The following IKBKB variants were observed in gnomAD, a reference collection of about 807,000 sequenced individuals.
IKBKB encodes the protein inhibitor of nuclear factor kappa B kinase subunit beta, also known as inhibitor of nuclear factor kappa-B kinase subunit beta.
Under a neutral mutation model 113.6 loss-of-function variants are expected in IKBKB, and 42 were observed. The observed-to-expected ratio is 0.37, with a 90% CI of 0.29 to 0.48. The LOEUF (loss-of-function observed/expected upper bound fraction) is 0.48, where lower values mean the gene tolerates loss of function less well. Ranked by LOEUF, IKBKB falls within the 20% of genes least tolerant of loss-of-function variation. The probability of loss-of-function intolerance (pLI) is 0.99; values close to 1 mark genes in which losing one functional copy is unlikely to be tolerated. For synonymous variants in IKBKB, 296 were observed against 361.3 expected (o/e 0.82, Z 2.05); for missense variants, 673 against 939.7 (o/e 0.72, Z 3.71).
intron 2 of IKBKB, among the ~76,000 whole-genome samples, chr8:42,277,180 ATTTTTT>A (rs751878075): frequency 1.2e-5 from 1 of 84,910 alleles, no homozygotes; most frequent in South Asian, 3.6e-4. Flanking sequence ...CGTGTGGCTA[ATTTTTT>A]TTTTTTTTTT....
chr8:42,299,260 G>A (rs1219242246), intron 5 of IKBKB, among the ~76,000 whole-genome samples: 3 of 152,068 alleles, frequency 2.0e-5, no homozygotes, highest in South Asian at 2.1e-4. Flanking sequence ...CTTGCATTAC[G>A]GAGGCTGCAG....
Position 42,330,914 on chromosome 8 carries a change from G to T in IKBKB, c.2206G>T (p.Ala736Ser). The T allele has an allele frequency of 6.2e-7, 1 of 1,614,208 alleles. No individual in the cohort carries two copies. The highest frequency in any genetic ancestry group is 8.5e-7 in the Non-Finnish European group (1 of 1,180,040). Residue 736 changes from alanine (A) to serine (S), a missense_variant and splice_region_variant, in exon 22 of 22, where the codon GCC becomes TCC. Ala to Ser is a moderately conservative substitution (Grantham distance 99, BLOSUM62 1). Coordinates refer to ENST00000520810, the MANE Select transcript of IKBKB (RefSeq NM_001556.3). Reference sequence around the variant, plus strand: ...TTTTAACATGTCTGTTGACTTTCAGGCCCTAGACTGGAGCTGGTTACAGAC... The same window carrying T: ...TTTTAACATGTCTGTTGACTTTCAGTCCCTAGACTGGAGCTGGTTACAGAC... ...TVREQDQSFT[A>S]LDWSWLQTEE...
intron 2 of IKBKB, among the ~76,000 whole-genome samples, chr8:42,285,349 C>T (rs1382549083): frequency 6.6e-6 from 1 of 151,678 alleles, no homozygotes; most frequent in East Asian, 1.9e-4. Flanking sequence ...AGTTTGAGAC[C>T]AGCCTGGGCA....
intron 20 of IKBKB, among the ~76,000 whole-genome samples, chr8:42,327,116 T>C (rs1035039657): frequency 6.6e-5 from 10 of 152,200 alleles, no homozygotes; most frequent in Non-Finnish European, 2.9e-5. Context: ...GTATATAAAT[T>C]ATATCTCAAT....
chr8:42,316,423 G>A lies in IKBKB; in HGVS notation c.930+84G>A, dbSNP rs1220450455. 1.3e-6 allele frequency: 2 copies of A among 1,528,490 alleles called. No homozygotes were observed. Among genetic ancestry groups the A allele is most frequent in the African/African-American group, 2.8e-5 (2 of 72,616 alleles). The allele number at this position is 1,528,490 out of a possible 1,614,324, so 94.7% of individuals were successfully genotyped here. ...AGTTCTTAGGACAGAGCAGGGGATG[G>A]GGCCAGCTGACCTAGTGAGGAAATT... On this transcript the variant is annotated intron_variant, in intron 10 of 21. Transcript: ENST00000520810. The surrounding 1 kb of genome is among the most constrained non-coding windows in gnomAD (Gnocchi z 4.5).
In IKBKB at chr8:42,325,964, C is replaced by T. The variant is rs761846149; in HGVS notation, c.1987-6C>T. The T allele has an allele frequency of 6.2e-7, 1 of 1,613,884 alleles. No individual in the cohort carries two copies. Among genetic ancestry groups the T allele is most frequent in the East Asian group, 2.2e-5 (1 of 44,874 alleles). On this transcript the variant is annotated splice_polypyrimidine_tract_variant and splice_region_variant and intron_variant, in intron 19 of 21. Coordinates refer to ENST00000520810, the MANE Select transcript of IKBKB (RefSeq NM_001556.3). ...GCTCCTAATTTCTTTTGATTTTGTC[C>T]CCTAGAGCAAGGTCCGTGGTCCTGT... is the stretch of plus-strand genomic sequence containing the variant.
chr8:42,271,436 G>GGCCCCCCCCCCCCCCCCCC lies in IKBKB; in HGVS notation c.-52_-51insGCCCCCCCCCCCCCCCCCC. 1 of 1,474,296 alleles carries GGCCCCCCCCCCCCCCCCCC rather than the reference G, an allele frequency of 6.8e-7. No individual in the cohort carries two copies. Among genetic ancestry groups the GGCCCCCCCCCCCCCCCCCC allele is most frequent in the Non-Finnish European group, 9.1e-7 (1 of 1,094,780 alleles). The allele number at this position is 1,474,296 out of a possible 1,614,324, so 91.3% of individuals were successfully genotyped here. ...CCAGCCCCGCCTTCCCCGCCCCGGG[G>GGCCCCCCCCCCCCCCCCCC]AGCCCGCCCCCTGCCCCGCGTCCCT... is the stretch of plus-strand genomic sequence containing the variant. On this transcript the variant is annotated 5_prime_UTR_variant, in exon 1 of 22. An upstream open reading frame in the 5' UTR loses its in-frame stop. Coordinates refer to ENST00000520810, the MANE Select transcript of IKBKB (RefSeq NM_001556.3).
At chr8:42,273,223 C>T (rs1388157192) in intron 2 of IKBKB, among the ~76,000 whole-genome samples, 1 of 151,972 alleles carries the variant, frequency 6.6e-6, no homozygotes, top group African/African-American at 2.4e-5. Context: ...TTGAGACCAG[C>T]CTGGCCAACA....
intron 2 of IKBKB, among the ~76,000 whole-genome samples, chr8:42,284,664 G>A (rs1192317934): frequency 6.6e-6 from 1 of 151,896 alleles, no homozygotes; most frequent in Non-Finnish European, 1.5e-5. Flanking sequence ...TGGAACTTAA[G>A]CCATAGCAGA....
At chr8:42,298,563 A>G in intron 5 of IKBKB, 3 of 821,354 alleles carry the variant, frequency 3.7e-6, no homozygotes, top group Non-Finnish European at 4.4e-6. Flanking sequence ...TGTGGATTAT[A>G]GCAAAAGATC....
chr8:42,281,440 C>T (rs1665686270), intron 2 of IKBKB, among the ~76,000 whole-genome samples: 1 of 152,166 alleles, frequency 6.6e-6, no homozygotes, highest in African/African-American at 2.4e-5. Flanking sequence ...GCACCTTTAC[C>T]AGGCGGTGGG....
intron 19 of IKBKB, among the ~76,000 whole-genome samples, chr8:42,323,058 G>A (rs1196934160): frequency 1.3e-5 from 2 of 152,212 alleles, no homozygotes; most frequent in Admixed American, 6.5e-5. Flanking sequence ...GCGTTCTTTG[G>A]TGTGTGACTC....
At chr8:42,312,076 T>C (rs566977050) in intron 8 of IKBKB, among the ~76,000 whole-genome samples, 1 of 152,216 alleles carries the variant, frequency 6.6e-6, no homozygotes, top group East Asian at 1.9e-4. Flanking sequence ...TTAGTAGAGA[T>C]GGGGTTTCAC....
At chr8:42,323,858 A>G (rs1008607917) in intron 19 of IKBKB, among the ~76,000 whole-genome samples, 3 of 152,194 alleles carry the variant, frequency 2.0e-5, no homozygotes, top group Admixed American at 1.3e-4. Context: ...TCCATTGAGC[A>G]TTTACTGAAT....
At chr8:42,305,080 C>G in intron 5 of IKBKB, 107 bp from the exon 6 acceptor site, 1 of 748,244 alleles carries the variant, frequency 1.3e-6, no homozygotes, top group East Asian at 2.6e-5. Context: ...CGCTACAAGT[C>G]AGAGTATGTT....
At chr8:42,306,725 C>T (rs1585704606) in intron 7 of IKBKB, among the ~76,000 whole-genome samples, 1 of 152,218 alleles carries the variant, frequency 6.6e-6, no homozygotes, top group East Asian at 1.9e-4. Context: ...GGGTTTTAAA[C>T]AGATCCATGC....
chr8:42,279,080 G>A (rs2086181157), intron 2 of IKBKB, among the ~76,000 whole-genome samples: 1 of 152,196 alleles, frequency 6.6e-6, no homozygotes, highest in Admixed American at 6.5e-5. Flanking sequence ...AGCAGGAGGA[G>A]TGGAGTGCCT....
chr8:42,297,149 C>T (rs1414357739), intron 5 of IKBKB, among the ~76,000 whole-genome samples: 1 of 152,200 alleles, frequency 6.6e-6, no homozygotes, highest in Non-Finnish European at 1.5e-5. Flanking sequence ...TGCAGTGCAG[C>T]CCCGGTTTTG....
chr8:42,305,604 C>T lies in IKBKB; in HGVS notation c.477+329C>T, dbSNP rs531312373. ...TGTTTTCCATTTGCTTTAAGAGCCT[C>T]GCCTCTCGACTCTAAATGGAAACCA... On this transcript the variant is annotated intron_variant, in intron 6 of 21. Transcript: ENST00000520810. Among the ~76,000 whole-genome samples, 8 of 152,190 alleles carry T rather than the reference C, an allele frequency of 5.3e-5. No homozygotes were observed. The South Asian group carries it at 6.2e-4, about 12-fold the overall frequency.
Sources: allele counts gnomAD v4.1 joint callset (sites outside exome capture counted in the v4.1 genomes callset), GRCh38; gene constraint gnomAD v4.1.1; non-coding constraint Gnocchi (gnomAD v3.1); transcripts MANE v1.5; gene names NCBI Gene and HGNC (gene_info 2026-07-23, HGNC 2026-07-21).